Variants in RERE observed in about 807,000 individuals in gnomAD.
RERE encodes arginine-glutamic acid dipeptide repeats.
RERE carries 40 observed loss-of-function variants against 146.1 expected under a neutral mutation model. The observed-to-expected ratio is 0.27, with a 90% CI of 0.21 to 0.36. RERE has a LOEUF of 0.36. Among genes scored for constraint, RERE ranks in the 10% least tolerant of loss-of-function variants. The probability of loss-of-function intolerance (pLI) is 1.00; values close to 1 mark genes in which losing one functional copy is unlikely to be tolerated. For synonymous variants in RERE, 1,003 were observed against 866.0 expected (o/e 1.16, Z -2.78); for missense variants, 1,933 against 2,138.7 (o/e 0.90, Z 1.90).
At chr1:8,709,700 G>C (rs939527321) in intron 1 of RERE, among the ~76,000 whole-genome samples, 1 of 152,096 alleles carries the variant, frequency 6.6e-6, no homozygotes, top group East Asian at 1.9e-4. Context: ...TGAACAGTGT[G>C]GGAGTCCCAT....
chr1:8,684,842 CCATT>C (rs36157354), intron 1 of RERE, among the ~76,000 whole-genome samples: 124,975 of 151,272 alleles, frequency 0.83, 51,839 homozygotes, highest in East Asian at 0.94. Flanking sequence ...ACTCATTCAT[CCATT>C]CATTCATTCA....
chr1:8,619,058 G>C (rs183692569), intron 3 of RERE, among the ~76,000 whole-genome samples: 13 of 152,152 alleles, frequency 8.5e-5, no homozygotes, highest in Admixed American at 7.9e-4. Context: ...AACAACGAGA[G>C]GGATATGGTA....
intron 12 of RERE, among the ~76,000 whole-genome samples, chr1:8,419,964 C>T (rs1448022162): frequency 6.6e-6 from 1 of 152,190 alleles, no homozygotes; most frequent in Non-Finnish European, 1.5e-5. Flanking sequence ...TTGACCTGAG[C>T]TTTCCAATGA....
At chr1:8,655,464 C>G (rs1570571131) in intron 2 of RERE, among the ~76,000 whole-genome samples, 3 of 152,160 alleles carry the variant, frequency 2.0e-5, no homozygotes, top group Admixed American at 2.0e-4. Flanking sequence ...CCTCAGCCTC[C>G]CAAAGTGCTA....
intron 1 of RERE, among the ~76,000 whole-genome samples, chr1:8,690,268 G>A (rs1443541692): frequency 6.6e-6 from 1 of 152,118 alleles, no homozygotes; most frequent in Non-Finnish European, 1.5e-5. Flanking sequence ...GTGAGCACTG[G>A]TCATCTCTGG....
At chr1:8,751,048 G>A in intron 1 of RERE, 1 of 588,464 alleles carries the variant, frequency 1.7e-6, no homozygotes, top group Non-Finnish European at 3.1e-6. Flanking sequence ...ATAACTTCCT[G>A]TGGCCCTTCA....
At chr1:8,654,989 A>C (rs1638237569) in intron 2 of RERE, among the ~76,000 whole-genome samples, 1 of 152,198 alleles carries the variant, frequency 6.6e-6, no homozygotes. Context: ...CTAGTGTTCA[A>C]CAGGTTTTGA....
At chr1:8,759,410 A>T (rs977182378) in intron 1 of RERE, among the ~76,000 whole-genome samples, 2 of 152,250 alleles carry the variant, frequency 1.3e-5, no homozygotes, top group African/African-American at 4.8e-5. Flanking sequence ...AAGCCAGTGC[A>T]CCTGAGGCCT....
At chr1:8,459,694 A>ACGATGAAG (rs1331368206) in intron 11 of RERE, among the ~76,000 whole-genome samples, 3 of 152,182 alleles carry the variant, frequency 2.0e-5, no homozygotes, top group Non-Finnish European at 2.9e-5. Context: ...AGCAAATGAG[A>ACGATGAAG]CGATGAAGCC....
At chr1:8,607,528 A>ATTTTTTTTTTTTTTTTTTT (rs1557431314) in intron 4 of RERE, among the ~76,000 whole-genome samples, 1 of 76,970 alleles carries the variant, frequency 1.3e-5, no homozygotes, top group African/African-American at 5.2e-5. Context: ...GTTTTTATAT[A>ATTTTTTTTTTTTTTTTTTT]TATTTCTTTT....
chr1:8,416,561 G>A (rs1643774706), intron 12 of RERE, among the ~76,000 whole-genome samples: 1 of 147,506 alleles, frequency 6.8e-6, no homozygotes, highest in Non-Finnish European at 1.5e-5. Flanking sequence ...ACTCCAGCCT[G>A]GGCGACAGAG....
intron 3 of RERE, among the ~76,000 whole-genome samples, chr1:8,616,293 G>A (rs1368381154): frequency 6.6e-6 from 1 of 152,124 alleles, no homozygotes; most frequent in Non-Finnish European, 1.5e-5. Context: ...ATATTTTAAA[G>A]AGGCATTTTT....
At chr1:8,585,172 C>CG (rs1020171484) in intron 4 of RERE, among the ~76,000 whole-genome samples, 1 of 148,246 alleles carries the variant, frequency 6.7e-6, no homozygotes, top group Admixed American at 6.7e-5. Context: ...GAAGTAATTA[C>CG]GGGATAGTCT....
chr1:8,637,659 T>C (rs1415961675), intron 2 of RERE, among the ~76,000 whole-genome samples: 3 of 152,192 alleles, frequency 2.0e-5, no homozygotes, highest in African/African-American at 7.2e-5. Flanking sequence ...AAAATATGTC[T>C]GATCCACTCA....
intron 1 of RERE, among the ~76,000 whole-genome samples, chr1:8,736,681 A>G (rs1357391688): frequency 2.6e-5 from 4 of 152,132 alleles, no homozygotes; most frequent in Admixed American, 6.5e-5. Flanking sequence ...AATTATCAGA[A>G]GAGTCACATT....
At chr1:8,493,071 C>T (rs762014893) in intron 10 of RERE, among the ~76,000 whole-genome samples, 1 of 152,134 alleles carries the variant, frequency 6.6e-6, no homozygotes, top group Non-Finnish European at 1.5e-5. Flanking sequence ...GGTGACAGAG[C>T]GAGACTTTGC....
intron 11 of RERE, 105 bp from the exon 12 acceptor site, chr1:8,422,912 C>G: frequency 1.2e-6 from 1 of 852,910 alleles, no homozygotes; most frequent in Non-Finnish European, 1.9e-6. Context: ...CAAAAAAAGT[C>G]TCGGCTAGGG....
At chr1:8,703,749 G>A (rs1401763924) in intron 1 of RERE, among the ~76,000 whole-genome samples, 1 of 152,306 alleles carries the variant, frequency 6.6e-6, no homozygotes, top group East Asian at 1.9e-4. Flanking sequence ...CTCTGCTTCT[G>A]CCAGGAATAT....
intron 4 of RERE, among the ~76,000 whole-genome samples, chr1:8,600,382 ATTT>A (rs943941087): frequency 1.3e-5 from 2 of 152,308 alleles, no homozygotes; most frequent in Admixed American, 6.5e-5. Context: ...TTCTTTAAGA[ATTT>A]TTTAACAATT....
Sources: allele counts gnomAD v4.1 joint callset (sites outside exome capture counted in the v4.1 genomes callset), GRCh38; gene constraint gnomAD v4.1.1; transcripts MANE v1.5; gene names NCBI Gene and HGNC (gene_info 2026-07-23, HGNC 2026-07-21).